The following RABGAP1L variants were observed in gnomAD, a reference collection of about 807,000 sequenced individuals.
RABGAP1L encodes the protein rab GTPase-activating protein 1-like.
A neutral mutation model predicts 137.7 loss-of-function variants in RABGAP1L; 63 were observed. That is an observed-to-expected ratio of 0.46 (90% CI 0.37 to 0.56). RABGAP1L has a LOEUF of 0.56. RABGAP1L is among the 20% of genes least tolerant of loss of function. RABGAP1L has a pLI of 0.00. For synonymous variants in RABGAP1L, 431 were observed against 433.7 expected (o/e 0.99, Z 0.08); for missense variants, 1,095 against 1,244.0 (o/e 0.88, Z 1.80).
At chr1:174,254,006 G>A (rs1672916135) in intron 7 of RABGAP1L, among the ~76,000 whole-genome samples, 1 of 152,086 alleles carries the variant, frequency 6.6e-6, no homozygotes, top group Non-Finnish European at 1.5e-5. Flanking sequence ...GGATGAGGGT[G>A]GGAGGCAATT....
At chr1:174,851,828 G>A (rs10798327) in intron 19 of RABGAP1L, among the ~76,000 whole-genome samples, 98,156 of 151,898 alleles carry the variant, frequency 0.65, 34,217 homozygotes, top group East Asian at 0.93. Context: ...CCTTTTCTTT[G>A]GATGTCTTAG....
intron 1 of RABGAP1L, among the ~76,000 whole-genome samples, chr1:174,218,536 A>C (rs2148459892): frequency 1.3e-5 from 2 of 152,320 alleles, no homozygotes; most frequent in East Asian, 3.9e-4. Flanking sequence ...GCAATATAGA[A>C]GCTTTTTTCT....
Position 174,514,247 on chromosome 1 carries a change from C to CAAA in RABGAP1L, c.1710+120123_1710+120125dup, listed in dbSNP as rs776487855. 1.7e-3 allele frequency among the ~76,000 whole-genome samples: 141 copies of CAAA among 81,000 alleles called. 1 individual carries two copies. Among genetic ancestry groups the CAAA allele is most frequent in the African/African-American group, 5.1e-3 (119 of 23,204 alleles). The allele number at this position is 81,000 out of a possible 152,430, so 53.1% of individuals were successfully genotyped here. A position where few individuals can be genotyped will look rare whatever the true frequency, so the allele number is the denominator to read the frequency against. On this transcript the variant is annotated intron_variant, in intron 13 of 25. Transcript: ENST00000681986. ...ATGAAGCATGTGTTATATTTTAAGCCAAAAAAAAAAAAAAAAAAAAAAACT... is the reference window on the plus strand; with the variant it reads ...ATGAAGCATGTGTTATATTTTAAGCCAAAAAAAAAAAAAAAAAAAAAAAAAACT...
chr1:174,220,889 C>T, intron 2 of RABGAP1L, 83 bp from the exon 3 acceptor site: 3 of 1,200,060 alleles, frequency 2.5e-6, no homozygotes, highest in Admixed American at 2.8e-5. Context: ...GTTTTAATTT[C>T]TTCTAGAAAT....
At chr1:174,757,337 A>G (rs1369140887) in intron 18 of RABGAP1L, among the ~76,000 whole-genome samples, 2 of 152,084 alleles carry the variant, frequency 1.3e-5, no homozygotes, top group African/African-American at 4.8e-5. Context: ...TACTTATCTG[A>G]TATCTCTGGG....
At chr1:174,346,756 T>TC (rs1369709693) in intron 11 of RABGAP1L, among the ~76,000 whole-genome samples, 2 of 152,002 alleles carry the variant, frequency 1.3e-5, no homozygotes, top group African/African-American at 2.4e-5. Context: ...TTCTTTTTTT[T>TC]CTCCTAATTT....
intron 18 of RABGAP1L, among the ~76,000 whole-genome samples, chr1:174,776,225 T>A (rs1686513958): frequency 6.6e-6 from 1 of 151,710 alleles, no homozygotes; most frequent in African/African-American, 2.4e-5. Flanking sequence ...TAAAAAAAAA[T>A]TAGCTGGGTG....
intron 19 of RABGAP1L, among the ~76,000 whole-genome samples, chr1:174,937,464 T>A (rs1665039380): frequency 6.8e-6 from 1 of 147,628 alleles, no homozygotes; most frequent in Non-Finnish European, 1.5e-5. Flanking sequence ...TTTTTCATTT[T>A]TAGTAGAGAT....
intron 13 of RABGAP1L, among the ~76,000 whole-genome samples, chr1:174,619,950 C>G (rs1672282633): frequency 6.6e-6 from 1 of 151,958 alleles, no homozygotes; most frequent in East Asian, 1.9e-4. Context: ...GAAGATCTAC[C>G]AAGGAAATGG....
In RABGAP1L at chr1:174,292,329, CTTTTTTTTTTTTT is replaced by C. The variant is rs61636433; in HGVS notation, c.1324-12641_1324-12629del. 2.7e-3 allele frequency among the ~76,000 whole-genome samples: 137 copies of C among 50,620 alleles called. 1 individual carries two copies. The highest frequency in any genetic ancestry group is 1.0e-2 in the South Asian group (10 of 1,002). 33.2% of individuals were successfully genotyped at this position (50,620 alleles called of 152,430 possible). A position where few individuals can be genotyped will look rare whatever the true frequency, so the allele number is the denominator to read the frequency against. On this transcript the variant is annotated intron_variant, in intron 10 of 25. Coordinates refer to ENST00000681986, the MANE Select transcript of RABGAP1L (RefSeq NM_001366446.1). Reference sequence around the variant, plus strand: ...GTGTGGGCCATTGCACCTACCTAATCTTTTTTTTTTTTTTTTTTTTTTTTTTTTACTGCTTTTT... The same window carrying C: ...GTGTGGGCCATTGCACCTACCTAATCTTTTTTTTTTTTTTTACTGCTTTTT...
chr1:174,345,824 A>G (rs1571318267), intron 11 of RABGAP1L, among the ~76,000 whole-genome samples: 1 of 152,174 alleles, frequency 6.6e-6, no homozygotes, highest in African/African-American at 2.4e-5. Flanking sequence ...GTGTTCCACT[A>G]TCTTAGAGGA....
Position 174,658,680 on chromosome 1 carries a change from G to A in RABGAP1L, c.1824+21192G>A, listed in dbSNP as rs571233339. 2.0e-5 allele frequency among the ~76,000 whole-genome samples: 3 copies of A among 152,126 alleles called. No homozygotes were observed. The East Asian group carries it at 5.8e-4, about 29-fold the overall frequency. On this transcript the variant is annotated intron_variant, in intron 14 of 25. Transcript: ENST00000681986. ...TGGCCACCCACATCCCCACCTGGGT[G>A]GGCTTGTCATTTTTTTTAGGGTCTG...
intron 13 of RABGAP1L, among the ~76,000 whole-genome samples, chr1:174,520,944 T>G (rs1663311258): frequency 6.6e-6 from 1 of 152,222 alleles, no homozygotes; most frequent in African/African-American, 2.4e-5. Context: ...CAGTTTGCCG[T>G]GAGCTGAGAT....
intron 18 of RABGAP1L, among the ~76,000 whole-genome samples, chr1:174,760,132 G>A (rs1685103577): frequency 6.6e-6 from 1 of 152,120 alleles, no homozygotes; most frequent in Non-Finnish European, 1.5e-5. Flanking sequence ...ATATACTCTT[G>A]ACCATTGTTG....
At chr1:174,387,723 C>T (rs1294881100) in intron 12 of RABGAP1L, among the ~76,000 whole-genome samples, 1 of 151,872 alleles carries the variant, frequency 6.6e-6, no homozygotes, top group African/African-American at 2.4e-5. Flanking sequence ...GGTTGCTCAG[C>T]TGAAATTCAG....
chr1:174,666,320 A>G (rs1042357956), intron 14 of RABGAP1L, among the ~76,000 whole-genome samples: 2 of 152,210 alleles, frequency 1.3e-5, no homozygotes, highest in South Asian at 4.1e-4. Context: ...GCAAATTGCT[A>G]TTACGTAAAT....
intron 13 of RABGAP1L, among the ~76,000 whole-genome samples, chr1:174,576,350 C>T (rs558004132): frequency 5.9e-5 from 9 of 152,132 alleles, no homozygotes; most frequent in South Asian, 4.2e-4. Flanking sequence ...TTCCCTCATG[C>T]GTCCGTTTAT....
intron 7 of RABGAP1L, among the ~76,000 whole-genome samples, chr1:174,271,182 A>C (rs1674528367): frequency 6.6e-6 from 1 of 152,078 alleles, no homozygotes; most frequent in African/African-American, 2.4e-5. Context: ...GAGCTTACCA[A>C]CTTTAGCTTT....
intron 14 of RABGAP1L, 105 bp downstream of exon 14, chr1:174,637,593 G>A (rs1674166715): frequency 1.2e-6 from 1 of 809,826 alleles, no homozygotes; most frequent in African/African-American, 1.7e-5. Context: ...TTTGCACTAT[G>A]CCATGTTTTC....
Sources: allele counts gnomAD v4.1 joint callset (sites outside exome capture counted in the v4.1 genomes callset), GRCh38; gene constraint gnomAD v4.1.1; transcripts MANE v1.5; gene names NCBI Gene and HGNC (gene_info 2026-07-23, HGNC 2026-07-21).